OSBPL10: variants seen among roughly 807,000 people sequenced by gnomAD.
The protein encoded by OSBPL10 is oxysterol binding protein like 10.
OSBPL10 carries 49 observed loss-of-function variants against 81.7 expected under a neutral mutation model. The observed-to-expected ratio is 0.60, with a 90% CI of 0.48 to 0.76. OSBPL10 has a LOEUF of 0.76. Among genes scored for constraint, OSBPL10 ranks in the 30% least tolerant of loss-of-function variants. OSBPL10 has a pLI of 0.00. For missense variants in OSBPL10, 923 were observed against 987.8 expected, an observed-to-expected ratio of 0.93 and a Z score of 0.88; for synonymous variants, 419 against 383.6, an observed-to-expected ratio of 1.09 and a Z score of -1.08.
At chr3:31,847,752 T>C (rs1700668461) in intron 3 of OSBPL10, among the ~76,000 whole-genome samples, 5 of 151,786 alleles carry the variant, frequency 3.3e-5, no homozygotes, top group Admixed American at 3.3e-4. Flanking sequence ...GCACAGAGGA[T>C]GGAACAGCAG....
At chr3:31,731,636 G>A (rs1364657787) in intron 6 of OSBPL10, among the ~76,000 whole-genome samples, 2 of 152,132 alleles carry the variant, frequency 1.3e-5, no homozygotes, top group East Asian at 3.9e-4. Context: ...TTACAGGCGT[G>A]TGCCACCACG....
intron 1 of OSBPL10, among the ~76,000 whole-genome samples, chr3:31,923,111 T>G (rs1696964674): frequency 6.6e-6 from 1 of 152,098 alleles, no homozygotes; most frequent in Non-Finnish European, 1.5e-5. Flanking sequence ...CATTCTTCAT[T>G]TATGTGAACT....
At chr3:32,012,929 C>A (rs933112087) in intron 2 of OSBPL10, among the ~76,000 whole-genome samples, 4 of 152,068 alleles carry the variant, frequency 2.6e-5, no homozygotes, top group African/African-American at 2.4e-5. Flanking sequence ...ACAGGAGCAC[C>A]CAGATTCATA....
intron 5 of OSBPL10, among the ~76,000 whole-genome samples, chr3:31,744,665 C>G (rs1289570573): frequency 6.6e-6 from 1 of 151,798 alleles, no homozygotes; most frequent in African/African-American, 2.4e-5. Context: ...TTTAGGGACA[C>G]TTCTTGGTCT....
intron 4 of OSBPL10, among the ~76,000 whole-genome samples, chr3:31,807,123 T>C (rs1699539361): frequency 6.6e-6 from 1 of 152,190 alleles, no homozygotes; most frequent in Non-Finnish European, 1.5e-5. Flanking sequence ...CTCACGCCTA[T>C]AATCCCAGCA....
At chr3:31,800,831 CA>C (rs1699359305) in intron 4 of OSBPL10, among the ~76,000 whole-genome samples, 1 of 152,186 alleles carries the variant, frequency 6.6e-6, no homozygotes, top group African/African-American at 2.4e-5. Context: ...AGAAAAATGT[CA>C]TCAGAATAAT....
chr3:31,663,904 G>C, intron 11 of OSBPL10, 175 bp downstream of exon 11: 1 of 1,491,926 alleles, frequency 6.7e-7, no homozygotes, highest in South Asian at 1.4e-5. Flanking sequence ...TATTGTGGCA[G>C]AAAACCTGTC....
At position 31,949,154 on chromosome 3, in the gene OSBPL10, C is replaced by T. The variant is rs117321395; in HGVS notation, c.281+31745G>A. ...GAGGAGTTTTAGGTTGGTTTCTTAGCCCAATGCAAATCTGCCTCAATTGTC... is the reference window on the plus strand; with the variant it reads ...GAGGAGTTTTAGGTTGGTTTCTTAGTCCAATGCAAATCTGCCTCAATTGTC... On this transcript the variant is annotated intron_variant, in intron 1 of 11. Coordinates refer to ENST00000396556, the MANE Select transcript of OSBPL10 (RefSeq NM_017784.5). Among the ~76,000 whole-genome samples the T allele has an allele frequency of 0.015, 2,239 of 152,198 alleles. 165 individuals carry two copies. In the East Asian group the frequency reaches 0.22, roughly 15 times the overall value.
At chr3:32,031,688 A>C (rs1012301812) in intron 2 of OSBPL10, among the ~76,000 whole-genome samples, 1 of 152,108 alleles carries the variant, frequency 6.6e-6, no homozygotes, top group Non-Finnish European at 1.5e-5. Context: ...TCCTGACCTC[A>C]TGTGATCCAC....
chr3:31,882,334 G>A (rs1287017741), intron 1 of OSBPL10, among the ~76,000 whole-genome samples: 1 of 152,142 alleles, frequency 6.6e-6, no homozygotes, highest in Non-Finnish European at 1.5e-5. Flanking sequence ...CATGAACAGC[G>A]TGGATAAACG....
chr3:31,976,521 T>C (rs1041719164), intron 1 of OSBPL10, among the ~76,000 whole-genome samples: 5 of 152,226 alleles, frequency 3.3e-5, no homozygotes, highest in African/African-American at 1.2e-4. Flanking sequence ...GGTGTGATCA[T>C]AGCTCACTGC....
chr3:31,926,222 G>A (rs1398101913), intron 1 of OSBPL10, among the ~76,000 whole-genome samples: 1 of 150,058 alleles, frequency 6.7e-6, no homozygotes, highest in African/African-American at 2.5e-5. Context: ...AACATAAACA[G>A]TCAATTCGCC....
upstream of OSBPL10, among the ~76,000 whole-genome samples, chr3:31,982,838 G>A (rs1310743636): frequency 4.6e-5 from 7 of 152,162 alleles, no homozygotes; most frequent in East Asian, 3.8e-4. Flanking sequence ...ATTTACTGCC[G>A]CTTCCTATGG....
intron 2 of OSBPL10, among the ~76,000 whole-genome samples, chr3:31,878,050 A>C (rs574583053): frequency 6.6e-6 from 1 of 152,318 alleles, no homozygotes; most frequent in Non-Finnish European, 1.5e-5. Flanking sequence ...AGCCATAAAC[A>C]TGCAGAAATT....
intron 2 of OSBPL10, chr3:32,030,433 G>C: frequency 1.5e-6 from 1 of 674,926 alleles, no homozygotes. Context: ...AAAGAAACAA[G>C]TTAAGGGCAA....
intron 2 of OSBPL10, among the ~76,000 whole-genome samples, chr3:32,022,937 A>C (rs1212743562): frequency 6.6e-6 from 1 of 152,098 alleles, no homozygotes; most frequent in Non-Finnish European, 1.5e-5. Flanking sequence ...TTCAGTCCTC[A>C]AGTCCCTCAT....
intron 1 of OSBPL10, among the ~76,000 whole-genome samples, chr3:31,916,718 C>T (rs1218344093): frequency 6.6e-6 from 1 of 152,196 alleles, no homozygotes; most frequent in East Asian, 1.9e-4. Flanking sequence ...TAAAAGCTCT[C>T]TAAATCCCTG....
chr3:31,740,857 T>TTTTTTATATATATATATA (rs1553620066), intron 5 of OSBPL10, among the ~76,000 whole-genome samples: 10 of 136,434 alleles, frequency 7.3e-5, no homozygotes, highest in African/African-American at 3.0e-4. Flanking sequence ...CTACTAGAAT[T>TTTTTTATATATATATATA]TATATATATA....
chr3:31,684,034 C>A lies in OSBPL10; in HGVS notation c.1326G>T (p.Leu442=), dbSNP rs751363559. ...GTGTGGCCCCAGCGGTGATGGCCAG[C>A]AGTAGGTCTGGGTGCGCCATGAAAT... ...YADFMAHPDL[L]LAITAGATPE... The change falls in exon 8 of 12, where the codon CTG becomes CTT. Residue 442 remains leucine (L), a synonymous_variant. Coordinates refer to ENST00000396556, the MANE Select transcript of OSBPL10 (RefSeq NM_017784.5). 1 of 1,614,206 alleles carries A rather than the reference C, an allele frequency of 6.2e-7. No individual in the cohort carries two copies. The highest frequency in any genetic ancestry group is 1.1e-5 in the South Asian group (1 of 91,088).
Sources: gnomAD v4.1 joint callset for allele counts (sites outside exome capture counted in the v4.1 genomes callset) on GRCh38, gnomAD v4.1.1 for gene constraint, MANE v1.5 for transcripts, NCBI Gene and HGNC (gene_info 2026-07-23, HGNC 2026-07-21) for gene names.